DGKB: variants seen among roughly 807,000 people sequenced by gnomAD.
DGKB encodes the protein diacylglycerol kinase beta, also known as 90 kDa diacylglycerol kinase.
Under a neutral mutation model 114.3 loss-of-function variants are expected in DGKB, and 67 were observed. The observed-to-expected ratio is 0.59, with a 90% CI of 0.48 to 0.72. The LOEUF is 0.72. DGKB is among the 30% of genes least tolerant of loss of function. The pLI is 0.00. For missense variants in DGKB, 907 were observed against 975.2 expected (o/e 0.93, Z 0.93); for synonymous variants, 398 against 323.1 (o/e 1.23, Z -2.49).
chr7:14,313,441 C>T (rs911013457), intron 23 of DGKB, among the ~76,000 whole-genome samples: 2 of 152,122 alleles, frequency 1.3e-5, no homozygotes, highest in African/African-American at 4.8e-5. Flanking sequence ...CGAAGCAGGG[C>T]GAGGCATTGC....
At position 14,191,930 on chromosome 7, in the gene DGKB, G is replaced by C. The variant is rs749161700; in HGVS notation, c.2123-13779C>G. On this transcript the variant is annotated intron_variant, in intron 23 of 25. Coordinates refer to ENST00000402815, the MANE Select transcript of DGKB (RefSeq NM_001350709.2). ...TTGCCAGTCTGGTAAAAAGCTGGAA[G>C]ATGGCCCTAAATACTTGAAGTCTGG... The C allele has an allele frequency of 9.1e-6, 6 of 656,064 alleles. 1 individual carries two copies. In the Admixed American group the frequency reaches 1.1e-4, roughly 12 times the overall value. 40.6% of individuals were successfully genotyped at this position (656,064 alleles called of 1,614,324 possible). A position where few individuals can be genotyped will look rare whatever the true frequency, so the allele number is the denominator to read the frequency against.
chr7:14,395,419 C>A (rs188631611), intron 21 of DGKB, among the ~76,000 whole-genome samples: 139 of 151,864 alleles, frequency 9.2e-4, no homozygotes, highest in Admixed American at 1.9e-3. Context: ...AATAGATAAA[C>A]CTGTTACACA....
At chr7:14,581,976 A>G (rs1270908270) in intron 18 of DGKB, among the ~76,000 whole-genome samples, 1 of 152,230 alleles carries the variant, frequency 6.6e-6, no homozygotes, top group Non-Finnish European at 1.5e-5. Flanking sequence ...TAAATCAAAT[A>G]TTAGTAGATT....
chr7:14,420,349 C>T (rs1826466574), intron 21 of DGKB, among the ~76,000 whole-genome samples: 1 of 151,750 alleles, frequency 6.6e-6, no homozygotes, highest in East Asian at 1.9e-4. Context: ...TCCTTAGGCT[C>T]CTAAAGCTAA....
chr7:14,931,697 C>T (rs1040353362), intron 1 of DGKB, among the ~76,000 whole-genome samples: 5 of 152,122 alleles, frequency 3.3e-5, no homozygotes, highest in Admixed American at 2.6e-4. Context: ...TCTCAGACCA[C>T]GGCTGTGGCA....
chr7:14,488,376 AACTTACTATAC>A (rs1479968549), intron 20 of DGKB, among the ~76,000 whole-genome samples: 1 of 152,166 alleles, frequency 6.6e-6, no homozygotes, highest in Non-Finnish European at 1.5e-5. Flanking sequence ...AGAAAGAATA[AACTTACTATAC>A]ACTTACTATA....
chr7:14,295,139 G>C (rs1045974922), intron 23 of DGKB, among the ~76,000 whole-genome samples: 3 of 152,058 alleles, frequency 2.0e-5, no homozygotes, highest in African/African-American at 7.3e-5. Flanking sequence ...CTGGCACATA[G>C]TAGGTTCTCT....
chr7:14,286,958 C>T (rs1308798683), intron 23 of DGKB, among the ~76,000 whole-genome samples: 2 of 152,044 alleles, frequency 1.3e-5, no homozygotes, highest in Admixed American at 6.6e-5. Flanking sequence ...TCACATCTTC[C>T]TATATAAGGT....
chr7:14,759,391 C>T (rs1398069347), intron 2 of DGKB, among the ~76,000 whole-genome samples: 1 of 152,128 alleles, frequency 6.6e-6, no homozygotes, highest in Non-Finnish European at 1.5e-5. Context: ...AAACCTTATG[C>T]CCATTAAACA....
At chr7:14,720,473 TTGTGTGTGTGTGTGTGTGTG>T (rs61654464) in intron 5 of DGKB, among the ~76,000 whole-genome samples, 2 of 136,482 alleles carry the variant, frequency 1.5e-5, no homozygotes, top group African/African-American at 2.9e-5. Flanking sequence ...CCCGGCTGAT[TTGTGTGTGTGTGTGTGTGTG>T]TGTGTGTGTG....
chr7:14,406,633 G>C (rs1343568144), intron 21 of DGKB, among the ~76,000 whole-genome samples: 1 of 151,974 alleles, frequency 6.6e-6, no homozygotes, highest in African/African-American at 2.4e-5. Flanking sequence ...GGTTCAAGTA[G>C]ACTGACCCAC....
At chr7:14,745,150 G>C (rs1290570322) in intron 4 of DGKB, among the ~76,000 whole-genome samples, 1 of 152,126 alleles carries the variant, frequency 6.6e-6, no homozygotes, top group Non-Finnish European at 1.5e-5. Flanking sequence ...TTTTTCAGCT[G>C]CCCTTACCCA....
At chr7:14,351,910 A>T (rs1169009759) in intron 21 of DGKB, among the ~76,000 whole-genome samples, 1 of 152,082 alleles carries the variant, frequency 6.6e-6, no homozygotes, top group Non-Finnish European at 1.5e-5. Flanking sequence ...TTTTTTTTGG[A>T]GTAAGAGAAT....
At chr7:14,934,702 T>C (rs1001411813) in intron 1 of DGKB, among the ~76,000 whole-genome samples, 1 of 152,284 alleles carries the variant, frequency 6.6e-6, no homozygotes, top group Middle Eastern at 3.4e-3. Context: ...AAAATTAAAA[T>C]GCAAAGAAGG....
At chr7:14,585,927 C>T (rs1800687375) in intron 17 of DGKB, among the ~76,000 whole-genome samples, 1 of 152,114 alleles carries the variant, frequency 6.6e-6, no homozygotes, top group Non-Finnish European at 1.5e-5. Flanking sequence ...CTGACTGCTC[C>T]ACCCACCAGC....
At chr7:14,575,655 C>G (rs994513258) in intron 19 of DGKB, among the ~76,000 whole-genome samples, 4 of 152,184 alleles carry the variant, frequency 2.6e-5, no homozygotes, top group African/African-American at 9.6e-5. Context: ...ATGATACCAT[C>G]AGAATTTGAA....
At chr7:14,970,309 C>T (rs1383761764) in intron 1 of DGKB, among the ~76,000 whole-genome samples, 2 of 152,090 alleles carry the variant, frequency 1.3e-5, no homozygotes, top group African/African-American at 4.8e-5. Context: ...TTTCTTTACT[C>T]ATGAAACTTA....
At chr7:14,298,399 C>A (rs1474113022) in intron 23 of DGKB, among the ~76,000 whole-genome samples, 1 of 152,086 alleles carries the variant, frequency 6.6e-6, no homozygotes, top group South Asian at 2.1e-4. Context: ...AGAAATAACA[C>A]CACATATCTA....
At position 14,200,214 on chromosome 7, in the gene DGKB, A is replaced by C. The variant is rs1236224512; in HGVS notation, c.2123-22063T>G. ...CCAGTCCTCTGCTAAATGTTATAAA[A>C]ACACAATATGTTTATGACTCTTTTG... On this transcript the variant is annotated intron_variant, in intron 23 of 25. Transcript: ENST00000402815. 3.3e-5 allele frequency among the ~76,000 whole-genome samples: 5 copies of C among 152,044 alleles called. No homozygotes were observed. The East Asian group carries it at 9.7e-4, about 29-fold the overall frequency.
Sources: allele counts gnomAD v4.1 joint callset (sites outside exome capture counted in the v4.1 genomes callset), GRCh38; gene constraint gnomAD v4.1.1; transcripts MANE v1.5; gene names NCBI Gene and HGNC (gene_info 2026-07-23, HGNC 2026-07-21).